The following NLRP5 variants were observed in gnomAD, a reference collection of about 807,000 sequenced individuals.
NLRP5 encodes NACHT, LRR and PYD domains-containing protein 5.
A neutral mutation model predicts 113.1 loss-of-function variants in NLRP5; 93 were observed. The ratio of observed to expected loss-of-function variants is 0.82; its 90% confidence interval spans 0.70 to 0.98. NLRP5 has a LOEUF of 0.98. NLRP5 is among the 50% of genes least tolerant of loss of function. The pLI is 0.00. For synonymous variants in NLRP5, 751 were observed against 600.7 expected, an observed-to-expected ratio of 1.25 and a Z score of -3.66; for missense variants, 1,808 against 1,514.3, an observed-to-expected ratio of 1.19 and a Z score of -3.22.
chr19:56,034,044 A>AT (rs1983222430), intron 9 of NLRP5, among the ~76,000 whole-genome samples: 1 of 152,216 alleles, frequency 6.6e-6, no homozygotes, highest in Non-Finnish European at 1.5e-5. Context: ...CACTGGGATT[A>AT]TAGGCTTGAG....
intron 7 of NLRP5, among the ~76,000 whole-genome samples, chr19:56,030,714 C>CTTTTTTTTTTTTTTCTTTTTTTTT (rs1983068660): frequency 1.4e-5 from 1 of 71,350 alleles, no homozygotes; most frequent in Non-Finnish European, 2.3e-5. Context: ...CTTTCTTCTT[C>CTTTTTTTTTTTTTTCTTTTTTTTT]TTTTTTTTTT....
At chr19:55,990,961 G>A in the NLRP5 span, among the ~76,000 whole-genome samples, 2 of 152,056 alleles carry the variant, frequency 1.3e-5, no homozygotes, top group African/African-American at 4.8e-5. Flanking sequence ...TCTAGCCTGG[G>A]CAACAAAAGC....
Position 56,033,547 on chromosome 19 carries a change from GA to G in NLRP5, c.2456del (p.Asn819MetfsTer21), listed in dbSNP as rs779499848. On this transcript the variant is annotated frameshift_variant, in exon 9 of 15. Transcript: ENST00000390649. LOFTEE classifies it high-confidence loss of function. ...TCTCCCCTTCCCCATTGCAGGTTTAGAAATGCACAGATTACCCCTGGTGTGC... is the reference window on the plus strand; with the variant it reads ...TCTCCCCTTCCCCATTGCAGGTTTAGAATGCACAGATTACCCCTGGTGTGC... 1 of 1,612,336 alleles carries G rather than the reference GA, an allele frequency of 6.2e-7. No individual in the cohort carries two copies. Among genetic ancestry groups the G allele is most frequent in the Non-Finnish European group, 8.5e-7 (1 of 1,179,112 alleles).
the NLRP5 span, among the ~76,000 whole-genome samples, chr19:55,990,658 C>G: frequency 5.3e-3 from 808 of 152,118 alleles, 4 homozygotes; most frequent in African/African-American, 0.018. Flanking sequence ...AACCCCGTCT[C>G]TACTAAAAAT....
chr19:55,992,768 G>C, the NLRP5 span, among the ~76,000 whole-genome samples: 1 of 152,088 alleles, frequency 6.6e-6, no homozygotes, highest in Non-Finnish European at 1.5e-5. Context: ...GAGATTTGCT[G>C]ACCCCTGATC....
At chr19:55,997,798 A>T (rs1981374634), upstream of NLRP5, among the ~76,000 whole-genome samples, 1 of 151,824 alleles carries the variant, frequency 6.6e-6, no homozygotes, top group African/African-American at 2.4e-5. Context: ...AGAAGGCAGC[A>T]GTTGCAGTGA....
chr19:56,032,755 T>C lies in NLRP5; in HGVS notation c.2421T>C (p.His807=), dbSNP rs1193414953. The C allele has an allele frequency of 1.2e-6, 2 of 1,611,926 alleles. No individual in the cohort carries two copies. The highest frequency in any genetic ancestry group is 1.7e-6 in the Non-Finnish European group (2 of 1,179,514). ...AGACCCTGTGTGCCAAGCTGAGGCA[T>C]CCCACCTGCAAGATACAGACCCTGA... Residue 807 remains histidine, a synonymous_variant, in exon 8 of 15, where the codon CAT becomes CAC. Transcript: ENST00000390649.
intron 13 of NLRP5, among the ~76,000 whole-genome samples, chr19:56,054,567 G>GAA (rs10537523): frequency 1.9e-4 from 26 of 139,156 alleles, no homozygotes; most frequent in African/African-American, 7.1e-4. Flanking sequence ...CAAAAAAAGT[G>GAA]AAAAAAAAAA....
chr19:56,027,739 C>G lies in NLRP5; in HGVS notation c.1506C>G (p.His502Gln), dbSNP rs144686764. 1 of 1,613,616 alleles carries G rather than the reference C, an allele frequency of 6.2e-7. No homozygotes were observed. The highest frequency in any genetic ancestry group is 2.2e-5 in the East Asian group (1 of 44,872). The change falls in exon 7 of 15, where the codon CAC becomes CAG. Residue 502 changes from histidine to glutamine, a missense_variant. Physicochemically the swap from His to Gln is conservative, Grantham distance 24 (BLOSUM62 0). Transcript: ENST00000390649. ...TCAACCAAACGCTCACAGGCCTGCA[C>G]GCCGCTTTTGTGTTTCATCAGCTCA...
chr19:56,009,339 C>A (rs866506575), intron 3 of NLRP5, among the ~76,000 whole-genome samples: 51 of 44,276 alleles, frequency 1.2e-3, no homozygotes, highest in Admixed American at 1.9e-3. Flanking sequence ...GACTCCATCT[C>A]AAAAAAAAAA....
At chr19:56,020,291 G>T in intron 5 of NLRP5, 84 bp from the exon 6 acceptor site, 2 of 1,525,270 alleles carry the variant, frequency 1.3e-6, no homozygotes, top group South Asian at 2.3e-5. Flanking sequence ...AATAAATATG[G>T]CATGACTAAG....
chr19:56,048,195 T>C (rs1983797826), intron 11 of NLRP5, among the ~76,000 whole-genome samples: 1 of 152,328 alleles, frequency 6.6e-6, no homozygotes, highest in Non-Finnish European at 1.5e-5. Context: ...AGTGGAGCGT[T>C]TGGACCGTTT....
At chr19:56,002,989 C>A (rs1239416979) in intron 1 of NLRP5, among the ~76,000 whole-genome samples, 1 of 151,280 alleles carries the variant, frequency 6.6e-6, no homozygotes. Context: ...GAAATAGGAA[C>A]ACTTTTACAC....
chr19:55,988,183 G>A, the NLRP5 span: 2 of 231,534 alleles, frequency 8.6e-6, no homozygotes, highest in Non-Finnish European at 1.7e-5. Flanking sequence ...CCTGAGGTCA[G>A]GAGTTCCAGA....
chr19:55,998,686 A>ATATATATATGTGTGTGTGTGTGTG (rs1981438143), upstream of NLRP5, among the ~76,000 whole-genome samples: 4 of 47,552 alleles, frequency 8.4e-5, no homozygotes, highest in African/African-American at 1.7e-4. Flanking sequence ...ATATATATAT[A>ATATATATATGTGTGTGTGTGTGTG]TATATATATA....
chr19:56,000,426 A>G (rs551528353), intron 1 of NLRP5, among the ~76,000 whole-genome samples: 13 of 152,018 alleles, frequency 8.6e-5, no homozygotes, highest in African/African-American at 3.1e-4. Flanking sequence ...GTGCAGTGGC[A>G]CGATCTTGAC....
intron 13 of NLRP5, among the ~76,000 whole-genome samples, chr19:56,056,318 G>A (rs1262691987): frequency 6.6e-6 from 1 of 151,950 alleles, no homozygotes; most frequent in African/African-American, 2.4e-5. Flanking sequence ...AGCACTATGG[G>A]AGGCTGAGGG....
At chr19:56,010,190 G>T (rs549059351) in intron 3 of NLRP5, among the ~76,000 whole-genome samples, 49 of 151,252 alleles carry the variant, frequency 3.2e-4, no homozygotes, top group African/African-American at 1.2e-3. Flanking sequence ...CACCGTGCCA[G>T]TGCTTTAGTC....
At position 56,027,699 on chromosome 19, in the gene NLRP5, A is replaced by G; in HGVS notation, c.1466A>G (p.Glu489Gly). The G allele has an allele frequency of 6.2e-7, 1 of 1,613,324 alleles. No homozygotes were observed. The highest frequency in any genetic ancestry group is 8.5e-7 in the Non-Finnish European group (1 of 1,179,870). The change falls in exon 7 of 15, where the codon GAG becomes GGG. Residue 489 changes from glutamate to glycine, a missense_variant. By Grantham distance (98) the Glu-to-Gly change is moderately conservative. Coordinates refer to ENST00000390649, the MANE Select transcript of NLRP5 (RefSeq NM_153447.4). ...CTGCAGCTGCAGGACGTGGTGGGGG[A>G]GAGCGTCGCCCCCTTCAACCAAACG...
Sources: gnomAD v4.1 joint callset for allele counts (sites outside exome capture counted in the v4.1 genomes callset) on GRCh38, gnomAD v4.1.1 for gene constraint, MANE v1.5 for transcripts, NCBI Gene and HGNC (gene_info 2026-07-23, HGNC 2026-07-21) for gene names.